ROBO2: variants seen among roughly 807,000 people sequenced by gnomAD.
ROBO2 encodes roundabout homolog 2.
A neutral mutation model predicts 160.8 loss-of-function variants in ROBO2; 53 were observed. The ratio of observed to expected loss-of-function variants is 0.33; its 90% CI spans 0.26 to 0.41. The LOEUF is 0.41. ROBO2 is among the 10% of genes least tolerant of loss of function. The pLI, the probability that ROBO2 is intolerant of heterozygous loss-of-function variation, is 1.00. For synonymous variants in ROBO2, 664 were observed against 611.7 expected (o/e 1.09, Z -1.26); for missense variants, 1,577 against 1,722.4 (o/e 0.92, Z 1.49).
intron 2 of ROBO2, among the ~76,000 whole-genome samples, chr3:77,340,625 A>G (rs73108191): frequency 0.026 from 3,958 of 152,190 alleles, 81 homozygotes; most frequent in Middle Eastern, 0.044. Context: ...TAACAAGAAG[A>G]CCCAGTTTGA....
rs148742854 is a variant in ROBO2, at chr3:77,289,566, C to T, written c.389-187848C>T. ...ACATAAAGTAAAATTGACAGTTAAA[C>T]GGGTAAGCTGAGGCTAGATCACCAA... On this transcript the variant is annotated intron_variant, in intron 2 of 25. Transcript: ENST00000461745. Among the ~76,000 whole-genome samples, 84 of 147,392 alleles carry T rather than the reference C, an allele frequency of 5.7e-4. 1 individual carries two copies. The highest frequency in any genetic ancestry group is 1.6e-3 in the African/African-American group (62 of 39,750).
At chr3:76,451,039 T>C (rs530994990) in intron 2 of ROBO2, among the ~76,000 whole-genome samples, 2 of 152,224 alleles carry the variant, frequency 1.3e-5, no homozygotes, top group Admixed American at 1.3e-4. Context: ...GTTCTCCACA[T>C]TGCCATTCGG....
chr3:76,644,102 A>T (rs1226698636), intron 2 of ROBO2, among the ~76,000 whole-genome samples: 1 of 152,138 alleles, frequency 6.6e-6, no homozygotes, highest in Non-Finnish European at 1.5e-5. Flanking sequence ...CTAACAACAC[A>T]TTTCCTCTAT....
chr3:76,715,304 C>T (rs1331482478), intron 2 of ROBO2, among the ~76,000 whole-genome samples: 1 of 152,026 alleles, frequency 6.6e-6, no homozygotes, highest in African/African-American at 2.4e-5. Flanking sequence ...CGAAGAATAC[C>T]ACCACCACTA....
At chr3:76,559,506 A>G (rs1012674188) in intron 2 of ROBO2, among the ~76,000 whole-genome samples, 2 of 152,258 alleles carry the variant, frequency 1.3e-5, no homozygotes. Context: ...TTGGTTTTTC[A>G]CAAATAATGT....
At chr3:75,987,981 T>C (rs1227377584) in intron 2 of ROBO2, among the ~76,000 whole-genome samples, 1 of 118,942 alleles carries the variant, frequency 8.4e-6, no homozygotes, top group Non-Finnish European at 2.0e-5. Context: ...TGGTCTGTTG[T>C]GTTTTCTTGT....
At chr3:76,833,333 C>A (rs929839831) in intron 2 of ROBO2, among the ~76,000 whole-genome samples, 1 of 152,058 alleles carries the variant, frequency 6.6e-6, no homozygotes, top group African/African-American at 2.4e-5. Flanking sequence ...ACATGCGTAG[C>A]CCCCAAAATT....
At chr3:76,555,392 A>AGAG (rs1560141032) in intron 2 of ROBO2, among the ~76,000 whole-genome samples, 1 of 72,390 alleles carries the variant, frequency 1.4e-5, no homozygotes, top group Non-Finnish European at 4.1e-5. Flanking sequence ...AAGAAGAAGA[A>AGAG]GAAGAAGAAG....
At chr3:76,567,743 TTA>T (rs574478628) in intron 2 of ROBO2, among the ~76,000 whole-genome samples, 24 of 106,058 alleles carry the variant, frequency 2.3e-4, no homozygotes, top group African/African-American at 8.1e-4. Flanking sequence ...ATATACTGTT[TTA>T]TATATATATA....
intron 2 of ROBO2, among the ~76,000 whole-genome samples, chr3:77,235,634 A>G (rs1303339288): frequency 6.6e-6 from 1 of 152,242 alleles, no homozygotes; most frequent in African/African-American, 2.4e-5. Context: ...ATATTTCAGA[A>G]TACTTATTTA....
chr3:77,049,224 G>A (rs534940301), intron 1 of ROBO2, among the ~76,000 whole-genome samples: 6 of 152,200 alleles, frequency 3.9e-5, no homozygotes, highest in African/African-American at 1.4e-4. Context: ...CAGATACTTG[G>A]GAGGCTGAGA....
chr3:76,334,162 A>C (rs565980003), intron 2 of ROBO2, among the ~76,000 whole-genome samples: 1 of 152,162 alleles, frequency 6.6e-6, no homozygotes, highest in East Asian at 1.9e-4. Flanking sequence ...ATATATATAC[A>C]TATAAAAGAA....
chr3:76,211,534 T>C (rs1703145069), intron 2 of ROBO2, among the ~76,000 whole-genome samples: 2 of 152,076 alleles, frequency 1.3e-5, no homozygotes. Context: ...AGTTAACACA[T>C]GATTGGGAGA....
chr3:77,458,575 C>T (rs1349749188), intron 2 of ROBO2, among the ~76,000 whole-genome samples: 1 of 136,604 alleles, frequency 7.3e-6, no homozygotes, highest in Non-Finnish European at 1.6e-5. Context: ...AGCTTTTGTT[C>T]TCCAGTTTTT....
intron 2 of ROBO2, among the ~76,000 whole-genome samples, chr3:76,694,593 C>T (rs867793277): frequency 2.0e-5 from 3 of 151,800 alleles, no homozygotes; most frequent in African/African-American, 7.3e-5. Context: ...TTGTTTAAGT[C>T]GGGCACTTCA....
chr3:77,649,572 C>T (rs2095435067), exon 26 of ROBO2: 1 of 152,152 alleles, frequency 6.6e-6, no homozygotes, highest in Admixed American at 6.5e-5. Flanking sequence ...AGCAACATGT[C>T]TTTCCACATT....
chr3:76,914,396 A>T (rs1301213160), intron 2 of ROBO2, among the ~76,000 whole-genome samples: 2 of 152,178 alleles, frequency 1.3e-5, no homozygotes, highest in Admixed American at 6.5e-5. Context: ...TACATTAGAG[A>T]GTAGCAGAGA....
intron 2 of ROBO2, among the ~76,000 whole-genome samples, chr3:76,067,597 G>A (rs1183645596): frequency 2.0e-5 from 3 of 151,998 alleles, no homozygotes; most frequent in Non-Finnish European, 4.4e-5. Context: ...TTCTTATCCT[G>A]TAGCATTTAT....
At chr3:76,684,088 G>C (rs112411463) in intron 2 of ROBO2, among the ~76,000 whole-genome samples, 2,900 of 151,996 alleles carry the variant, frequency 0.019, 86 homozygotes, top group African/African-American at 0.066. Flanking sequence ...TCATTAGAAA[G>C]AGAAGAGGTA....
Sources: allele counts gnomAD v4.1 joint callset (sites outside exome capture counted in the v4.1 genomes callset), GRCh38; gene constraint gnomAD v4.1.1; transcripts MANE v1.5; gene names NCBI Gene and HGNC (gene_info 2026-07-23, HGNC 2026-07-21).